Variants in MAD1L1 observed in about 807,000 individuals in gnomAD.
MAD1L1 encodes the protein mitotic arrest deficient 1 like 1, also known as mitotic spindle assembly checkpoint protein MAD1.
In MAD1L1, 95 loss-of-function variants were observed where a neutral mutation model predicts 96.9. That is an observed-to-expected ratio of 0.98 (90% CI 0.83 to 1.16). The LOEUF (loss-of-function observed/expected upper bound fraction) is 1.16. MAD1L1 is among the 50% of genes most tolerant of loss of function. The pLI is 0.00. For synonymous variants in MAD1L1, 473 were observed against 396.6 expected, an observed-to-expected ratio of 1.19 and a Z score of -2.29; for missense variants, 1,007 against 954.4, an observed-to-expected ratio of 1.06 and a Z score of -0.73.
chr7:2,046,507 A>C (rs1395065560), intron 12 of MAD1L1, among the ~76,000 whole-genome samples: 1 of 151,998 alleles, frequency 6.6e-6, no homozygotes, highest in Non-Finnish European at 1.5e-5. Context: ...AGTCTACAAG[A>C]GGTGAAAACT....
chr7:2,189,625 G>A (rs948095815), intron 10 of MAD1L1, among the ~76,000 whole-genome samples: 1 of 152,224 alleles, frequency 6.6e-6, no homozygotes, highest in African/African-American at 2.4e-5. Context: ...GCAGAATGGT[G>A]GGTCCTAGAG....
chr7:2,070,884 T>A (rs1199884614), intron 11 of MAD1L1, among the ~76,000 whole-genome samples: 2 of 152,236 alleles, frequency 1.3e-5, no homozygotes, highest in East Asian at 1.9e-4. Context: ...AGGAAAAGTT[T>A]CATCCCTGGA....
chr7:1,909,312 G>A (rs34074205), intron 17 of MAD1L1, among the ~76,000 whole-genome samples: 54,289 of 152,086 alleles, frequency 0.36, 9,781 homozygotes, highest in East Asian at 0.44. Flanking sequence ...TGGCAGCCCC[G>A]GTCCTGCCCA....
At chr7:1,946,854 C>T (rs528161825) in intron 16 of MAD1L1, among the ~76,000 whole-genome samples, 1 of 152,234 alleles carries the variant, frequency 6.6e-6, no homozygotes, top group Non-Finnish European at 1.5e-5. Context: ...TCCCGGGCTG[C>T]CTTGTAAGCC....
At chr7:1,866,654 G>A (rs957007470) in intron 18 of MAD1L1, among the ~76,000 whole-genome samples, 9 of 152,194 alleles carry the variant, frequency 5.9e-5, no homozygotes, top group South Asian at 2.1e-4. Context: ...ACCTCTTGCC[G>A]GCCAGCCCCA....
At chr7:1,888,275 T>C (rs1022190936) in intron 18 of MAD1L1, among the ~76,000 whole-genome samples, 3 of 135,724 alleles carry the variant, frequency 2.2e-5, no homozygotes, top group Non-Finnish European at 5.0e-5. Context: ...TGCAGCTGCC[T>C]GTGCATGTGT....
rs1231418320 is a variant in MAD1L1 at position 2,016,849 on chromosome 7, C to T, written c.1219-2207G>A. On this transcript the variant is annotated intron_variant, in intron 12 of 18. Transcript: ENST00000265854. ...AATTTGTTTGCACAGGAAGGTTTAT[C>T]GTGTGTCATAATCTTATTGAAATCC... Among the ~76,000 whole-genome samples, 13 of 152,384 alleles carry T rather than the reference C, an allele frequency of 8.5e-5. No individual in the cohort carries two copies. In the East Asian group the frequency reaches 2.3e-3, roughly 27 times the overall value.
At chr7:1,829,091 A>C (rs56758848) in intron 18 of MAD1L1, among the ~76,000 whole-genome samples, 1 of 152,190 alleles carries the variant, frequency 6.6e-6, no homozygotes, top group Non-Finnish European at 1.5e-5. Context: ...TAAAGGAGGC[A>C]GCACATTGGG....
intron 16 of MAD1L1, among the ~76,000 whole-genome samples, chr7:1,937,478 C>A (rs894996227): frequency 6.6e-6 from 1 of 152,144 alleles, no homozygotes; most frequent in Non-Finnish European, 1.5e-5. Flanking sequence ...GGGAGGAGTG[C>A]GCCTGGAGGC....
chr7:1,918,836 C>A (rs939950714), intron 17 of MAD1L1, among the ~76,000 whole-genome samples: 1 of 152,214 alleles, frequency 6.6e-6, no homozygotes, highest in Non-Finnish European at 1.5e-5. Context: ...GGCCCCAGGG[C>A]GACTGGTGCT....
chr7:1,956,730 C>T (rs1214893957), intron 16 of MAD1L1, among the ~76,000 whole-genome samples: 1 of 152,250 alleles, frequency 6.6e-6, no homozygotes, highest in African/African-American at 2.4e-5. Flanking sequence ...CCCGAGCACA[C>T]GCCGTCTGCG....
intron 16 of MAD1L1, among the ~76,000 whole-genome samples, chr7:1,953,359 G>A (rs1187195182): frequency 6.6e-6 from 1 of 152,204 alleles, no homozygotes; most frequent in African/African-American, 2.4e-5. Flanking sequence ...TTGGGACATT[G>A]AGGTTGGCCC....
chr7:2,040,257 G>C (rs1276226129), intron 12 of MAD1L1, among the ~76,000 whole-genome samples: 1 of 152,216 alleles, frequency 6.6e-6, no homozygotes, highest in Non-Finnish European at 1.5e-5. Flanking sequence ...AAAGACACTG[G>C]ATTAGTTTTG....
intron 6 of MAD1L1, among the ~76,000 whole-genome samples, chr7:2,219,090 A>G (rs1251412344): frequency 6.6e-6 from 1 of 152,128 alleles, no homozygotes; most frequent in Non-Finnish European, 1.5e-5. Context: ...GCTCTGCAGG[A>G]GCCCTCTCTA....
At position 2,050,994 on chromosome 7, in the gene MAD1L1, T is replaced by C. The variant is rs544276724; in HGVS notation, c.1218+18200A>G. On this transcript the variant is annotated intron_variant, in intron 12 of 18. Coordinates refer to ENST00000265854, the MANE Select transcript of MAD1L1 (RefSeq NM_001013836.2). The stretch of plus-strand genomic sequence containing the variant: ...CAATTTTCACCTGCAGCTAACTTCC[T>C]TTCCTTTCAAGATCAAGGTTATTCA... Among the ~76,000 whole-genome samples, 111 of 152,364 alleles carry C rather than the reference T, an allele frequency of 7.3e-4. 1 individual carries two copies. In the South Asian group the frequency reaches 9.9e-3, roughly 14 times the overall value.
At chr7:2,082,151 A>G (rs1051388955) in intron 11 of MAD1L1, among the ~76,000 whole-genome samples, 7 of 152,104 alleles carry the variant, frequency 4.6e-5, no homozygotes, top group African/African-American at 1.7e-4. Context: ...AGGAGATGCC[A>G]GAGAAAGGGA....
chr7:1,959,640 A>C (rs1779870072), intron 15 of MAD1L1, among the ~76,000 whole-genome samples: 1 of 152,202 alleles, frequency 6.6e-6, no homozygotes, highest in Admixed American at 6.5e-5. Context: ...AGAAAAGAGG[A>C]GGGAGAAATT....
At chr7:2,080,019 C>G in intron 11 of MAD1L1, 1 of 306,428 alleles carries the variant, frequency 3.3e-6, no homozygotes, top group South Asian at 2.8e-5. Flanking sequence ...CGTCCGTCAA[C>G]CCTGTCAGCG....
rs770120301 is a variant in MAD1L1 at position 2,014,491 on chromosome 7, C to T, written c.1359+11G>A. ...CCTGGCGACGTGAGCCCCACGCCCG[C>T]GGCCCCTCACCTCCATCTCGGCGCT... is the stretch of plus-strand genomic sequence containing the variant. On this transcript the variant is annotated intron_variant, in intron 13 of 18. Transcript: ENST00000265854. The T allele has an allele frequency of 1.2e-5, 19 of 1,560,836 alleles. No homozygotes were observed. Among genetic ancestry groups the T allele is most frequent in the Admixed American group, 1.8e-5 (1 of 56,520 alleles).
Sources: gnomAD v4.1 joint callset for allele counts (sites outside exome capture counted in the v4.1 genomes callset) on GRCh38, gnomAD v4.1.1 for gene constraint, MANE v1.5 for transcripts, NCBI Gene and HGNC (gene_info 2026-07-23, HGNC 2026-07-21) for gene names.